The following TIPARP variants were observed in gnomAD, a reference collection of about 807,000 sequenced individuals.
TIPARP encodes protein mono-ADP-ribosyltransferase TIPARP.
TIPARP carries 12 observed loss-of-function variants against 56.5 expected under a neutral mutation model. That is an observed-to-expected ratio of 0.21 (90% CI 0.14 to 0.34). The LOEUF (loss-of-function observed/expected upper bound fraction) is 0.34, where lower values mean the gene tolerates loss of function less well. Ranked by LOEUF, TIPARP falls within the 10% of genes least tolerant of loss-of-function variation. TIPARP has a pLI of 1.00. For missense variants in TIPARP, 604 were observed against 781.6 expected (o/e 0.77, Z 2.71); for synonymous variants, 296 against 265.7 (o/e 1.11, Z -1.11).
intron 2 of TIPARP, among the ~76,000 whole-genome samples, chr3:156,679,960 C>T (rs2665390): frequency 0.92 from 139,960 of 152,232 alleles, 64,363 homozygotes; most frequent in Middle Eastern, 0.98. Context: ...TCATTTATCT[C>T]GTTCCCATTC....
chr3:156,684,072 T>A (rs1722369245), intron 2 of TIPARP, among the ~76,000 whole-genome samples: 1 of 152,214 alleles, frequency 6.6e-6, no homozygotes, highest in East Asian at 1.9e-4. Context: ...CATGTGTATA[T>A]CATTTTTTGC....
At chr3:156,702,999 T>G (rs1275123740) in intron 4 of TIPARP, among the ~76,000 whole-genome samples, 1 of 152,236 alleles carries the variant, frequency 6.6e-6, no homozygotes, top group Non-Finnish European at 1.5e-5. Context: ...CCTTGCTGCA[T>G]GCCTTACTTT....
Position 156,677,976 on chromosome 3 carries a change from C to T in TIPARP, c.279C>T (p.Ala93=). The change falls in exon 2 of 6, where the codon GCC becomes GCT. Residue 93 remains alanine, a synonymous_variant. Transcript: ENST00000295924. ...TACATGAACCTATGATGAAGAAAGC[C>T]ATGGAAATCAATTCATCATGCCCAC... The part of the protein sequence containing the change: ...NSLHEPMMKK[A]MEINSSCPPA... The T allele has an allele frequency of 6.2e-7, 1 of 1,614,068 alleles. No homozygotes were observed. Among genetic ancestry groups the T allele is most frequent in the African/African-American group, 1.3e-5 (1 of 75,018 alleles).
intron 1 of TIPARP, chr3:156,675,924 TC>T (rs1460263050): frequency 6.6e-6 from 1 of 152,258 alleles, no homozygotes; most frequent in East Asian, 1.9e-4. Flanking sequence ...CTCTGCTTCT[TC>T]CTCCCAGTTT....
chr3:156,687,562 T>C (rs1468796270), intron 2 of TIPARP, among the ~76,000 whole-genome samples: 1 of 152,200 alleles, frequency 6.6e-6, no homozygotes, highest in Non-Finnish European at 1.5e-5. Flanking sequence ...TGGTATTATT[T>C]ATTAGGGGTT....
At position 156,677,937 on chromosome 3, in the gene TIPARP, A is replaced by T; in HGVS notation, c.240A>T (p.Thr80=). The T allele has an allele frequency of 6.2e-7, 1 of 1,614,188 alleles. No homozygotes were observed. Among genetic ancestry groups the T allele is most frequent in the African/African-American group, 1.3e-5 (1 of 75,060 alleles). The change falls in exon 2 of 6, where the codon ACA becomes ACT. Residue 80 remains threonine, a synonymous_variant. Transcript: ENST00000295924. The stretch of plus-strand genomic sequence containing the variant: ...TTTTTAGATCTAGGAACCAGAGTAC[A>T]GATGAGAACAGCTTACATGAACCTA... ...DGVFRSRNQS[T]DENSLHEPMM...
At chr3:156,691,538 A>G (rs973492105) in intron 2 of TIPARP, among the ~76,000 whole-genome samples, 3 of 152,168 alleles carry the variant, frequency 2.0e-5, no homozygotes, top group Non-Finnish European at 4.4e-5. Flanking sequence ...CGATTATCAT[A>G]CATAGATGAC....
chr3:156,706,720 A>AT lies in TIPARP; in HGVS notation c.*1596dup, dbSNP rs1035337395. On this transcript the variant is annotated 3_prime_UTR_variant, in exon 6 of 6. Transcript: ENST00000295924. ...AAAAAGAAAGCTTTATGACATATTT[A>AT]TTTTTTTAATAAAACTAAGCAAAAA... 2.0e-5 allele frequency: 3 copies of AT among 152,646 alleles called. No individual in the cohort carries two copies. The highest frequency in any genetic ancestry group is 2.1e-4 in the South Asian group (1 of 4,826). 9.5% of individuals were successfully genotyped at this position (152,646 alleles called of 1,614,324 possible). A position where few individuals can be genotyped will look rare whatever the true frequency, so the allele number is the denominator to read the frequency against.
intron 2 of TIPARP, among the ~76,000 whole-genome samples, chr3:156,689,289 C>T (rs1281003676): frequency 6.6e-6 from 1 of 152,148 alleles, no homozygotes; most frequent in East Asian, 1.9e-4. Context: ...TTTTCACTCT[C>T]TTCTGCCCCA....
chr3:156,706,122 TC>T lies in TIPARP; in HGVS notation c.*992del, dbSNP rs1423295745. 1.3e-5 allele frequency: 2 copies of T among 152,660 alleles called. No homozygotes were observed. Among genetic ancestry groups the T allele is most frequent in the African/African-American group, 4.8e-5 (2 of 41,454 alleles). 9.5% of individuals were successfully genotyped at this position (152,660 alleles called of 1,614,324 possible). Reference sequence around the variant, plus strand: ...CAGTCCCACTCCTACACCTGCTTTGTCAGATACAGCTGGGTTCCCTGGCTGA... The same window carrying T: ...CAGTCCCACTCCTACACCTGCTTTGTAGATACAGCTGGGTTCCCTGGCTGA... On this transcript the variant is annotated 3_prime_UTR_variant, in exon 6 of 6. Transcript: ENST00000295924.
In TIPARP at chr3:156,704,930, G is replaced by T; in HGVS notation, c.1773G>T (p.Val591=). 6.2e-7 allele frequency: 1 copy of T among 1,614,216 alleles called. No homozygotes were observed. Among genetic ancestry groups the T allele is most frequent in the Middle Eastern group, 1.6e-4 (1 of 6,062 alleles). ...KGVHFMFLAK[V]LTGRYTMGSH... ...TCCACTTCATGTTTCTGGCCAAAGT[G>T]CTGACGGGCAGATACACAATGGGCA... Residue 591 remains valine, a synonymous_variant, in exon 6 of 6, where the codon GTG becomes GTT. Coordinates refer to ENST00000295924, the MANE Select transcript of TIPARP (RefSeq NM_015508.5).
chr3:156,705,253 T>C lies in TIPARP; in HGVS notation c.*122T>C. ...ATTAATAGGGCACTTTTCAGACCCA[T>C]TTTTTAAAGTGCTAGAAAATGCTTT... On this transcript the variant is annotated 3_prime_UTR_variant, in exon 6 of 6. Coordinates refer to ENST00000295924, the MANE Select transcript of TIPARP (RefSeq NM_015508.5). The C allele has an allele frequency of 1.5e-6, 1 of 652,382 alleles. No homozygotes were observed. Among genetic ancestry groups the C allele is most frequent in the Non-Finnish European group, 2.5e-6 (1 of 403,232 alleles). The allele number at this position is 652,382 out of a possible 1,614,324, so 40.4% of individuals were successfully genotyped here.
Position 156,695,780 on chromosome 3 carries a change from T to C in TIPARP, c.1087-85T>C, listed in dbSNP as rs897245568. 4 of 1,453,108 alleles carry C rather than the reference T, an allele frequency of 2.8e-6. No individual in the cohort carries two copies. The African/African-American group carries it at 4.4e-5, about 16-fold the overall frequency. The allele number at this position is 1,453,108 out of a possible 1,614,324, so 90.0% of individuals were successfully genotyped here. ...TATTGAAATTCCTGTGAGGTTAACT[T>C]TTGCCTTTGGTTAATTTTCATTTTT... is the stretch of plus-strand genomic sequence containing the variant. On this transcript the variant is annotated intron_variant, in intron 3 of 5. Transcript: ENST00000295924.
In TIPARP at chr3:156,704,963, C is replaced by T. The variant is rs772886325; in HGVS notation, c.1806C>T (p.Gly602=). ...LTGRYTMGSH[G]MRRPPPVNPG... is the part of the protein sequence containing the mutation. ...GCAGATACACAATGGGCAGTCATGG[C>T]ATGAGAAGGCCCCCGCCAGTCAATC... The change falls in exon 6 of 6, where the codon GGC becomes GGT. Residue 602 remains glycine (G), a synonymous_variant. Coordinates refer to ENST00000295924, the MANE Select transcript of TIPARP (RefSeq NM_015508.5). 1 of 1,614,220 alleles carries T rather than the reference C, an allele frequency of 6.2e-7. No homozygotes were observed. The highest frequency in any genetic ancestry group is 8.5e-7 in the Non-Finnish European group (1 of 1,180,038).
At chr3:156,692,113 T>C (rs74577805) in intron 2 of TIPARP, among the ~76,000 whole-genome samples, 2,997 of 152,242 alleles carry the variant, frequency 0.02, 37 homozygotes, top group Non-Finnish European at 0.027. Context: ...AAGAACTCCT[T>C]AAAGGAAATA....
intron 5 of TIPARP, 80 bp downstream of exon 5, chr3:156,703,782 G>A: frequency 6.9e-7 from 1 of 1,445,462 alleles, no homozygotes; most frequent in Non-Finnish European, 9.3e-7. Flanking sequence ...GGGAGGCCGA[G>A]GCGGGCAGAT....
At chr3:156,680,667 C>T (rs1722273037) in intron 2 of TIPARP, among the ~76,000 whole-genome samples, 1 of 152,120 alleles carries the variant, frequency 6.6e-6, no homozygotes. Context: ...CATTTTGATC[C>T]CAGAAAATCC....
In TIPARP at chr3:156,704,992, G is replaced by A. The variant is rs1229894784; in HGVS notation, c.1835G>A (p.Gly612Asp). 1.2e-6 allele frequency: 2 copies of A among 1,614,106 alleles called. No homozygotes were observed. The highest frequency in any genetic ancestry group is 1.7e-6 in the Non-Finnish European group (2 of 1,180,058). Residue 612 changes from glycine (G) to aspartate (D), a missense_variant, in exon 6 of 6, where the codon GGC (glycine) becomes GAC (aspartate). Gly to Asp is a moderately conservative substitution (Grantham distance 94, BLOSUM62 -1). This residue lies in a region of TIPARP where 77 missense variants were observed against 161.0 expected (regional missense o/e 0.48). Transcript: ENST00000295924. ...AGAAGGCCCCCGCCAGTCAATCCTG[G>A]CAGTGTCACCAGTGACCTTTATGAC... ...GMRRPPPVNP[G>D]SVTSDLYDSC...
chr3:156,679,282 C>G (rs1722230433), intron 2 of TIPARP, among the ~76,000 whole-genome samples: 1 of 151,960 alleles, frequency 6.6e-6, no homozygotes, highest in African/African-American at 2.4e-5. Context: ...AATACTCAAA[C>G]AATTATCCTT....
Sources: allele counts gnomAD v4.1 joint callset (sites outside exome capture counted in the v4.1 genomes callset), GRCh38; gene constraint gnomAD v4.1.1; regional missense constraint gnomAD v4.1.1; transcripts MANE v1.5; gene names NCBI Gene and HGNC (gene_info 2026-07-23, HGNC 2026-07-21).